Variants in EIF4G3 observed in about 807,000 individuals in gnomAD.
The protein encoded by EIF4G3 is eIF-4-gamma 3.
A neutral mutation model predicts 186.4 loss-of-function variants in EIF4G3; 34 were observed. That is an observed-to-expected ratio of 0.18 (90% CI 0.14 to 0.24). EIF4G3 has a LOEUF of 0.24. EIF4G3 is among the 10% of genes least tolerant of loss of function. The probability of loss-of-function intolerance (pLI) is 1.00; values close to 1 mark genes in which losing one functional copy is unlikely to be tolerated. For synonymous variants in EIF4G3, 673 were observed against 679.5 expected (o/e 0.99, Z 0.15); for missense variants, 1,536 against 1,948.5 (o/e 0.79, Z 3.99).
intron 2 of EIF4G3, among the ~76,000 whole-genome samples, chr1:21,141,356 T>C (rs1258802156): frequency 7.0e-6 from 1 of 143,822 alleles, no homozygotes; most frequent in Non-Finnish European, 1.5e-5. Context: ...ACCATTTCTA[T>C]TTGAGAAAAA....
chr1:20,853,603 G>C lies in EIF4G3; in HGVS notation c.3508C>G (p.Pro1170Ala). 1 of 1,614,016 alleles carries C rather than the reference G, an allele frequency of 6.2e-7. No individual in the cohort carries two copies. The highest frequency in any genetic ancestry group is 8.5e-7 in the Non-Finnish European group (1 of 1,179,938). The change falls in exon 27 of 37, where the codon CCA (proline) becomes GCA (alanine). Residue 1170 changes from proline (P) to alanine (A), a missense_variant. Coordinates refer to ENST00000602326, the MANE Select transcript of EIF4G3 (RefSeq NM_001391906.1). ...LQPPAPSGST[P>A]STPVEFDSRR... ...GAATCAAACTCTACAGGCGTGGATG[G>C]CGTGGACCCTGAGGGTGCTGGAGGT... is the stretch of plus-strand genomic sequence containing the variant.
intron 4 of EIF4G3, among the ~76,000 whole-genome samples, chr1:21,032,953 C>T (rs1205269479): frequency 1.3e-5 from 2 of 152,180 alleles, no homozygotes; most frequent in Non-Finnish European, 2.9e-5. Context: ...AATACAATGA[C>T]GGACTGCTTC....
intron 19 of EIF4G3, among the ~76,000 whole-genome samples, chr1:20,885,906 T>C (rs2083973968): frequency 6.6e-6 from 1 of 152,192 alleles, no homozygotes; most frequent in Non-Finnish European, 1.5e-5. Flanking sequence ...ACTGAGAATC[T>C]AAAAATGTAT....
At chr1:21,125,630 A>C (rs2097018561) in intron 2 of EIF4G3, among the ~76,000 whole-genome samples, 1 of 151,854 alleles carries the variant, frequency 6.6e-6, no homozygotes, top group Admixed American at 6.6e-5. Context: ...AAGACAGGAG[A>C]ATCGCTTGAG....
chr1:20,857,312 G>C, intron 25 of EIF4G3, 91 bp downstream of exon 25: 2 of 1,054,352 alleles, frequency 1.9e-6, no homozygotes, highest in Middle Eastern at 2.1e-4. Flanking sequence ...GACACGTTTT[G>C]CAACTATTGT....
intron 2 of EIF4G3, among the ~76,000 whole-genome samples, chr1:21,111,145 A>T (rs1333901741): frequency 6.6e-6 from 1 of 152,222 alleles, no homozygotes; most frequent in Non-Finnish European, 1.5e-5. Context: ...CTATAAACTT[A>T]ATCTGTCACT....
intron 2 of EIF4G3, among the ~76,000 whole-genome samples, chr1:21,107,419 G>A (rs541730915): frequency 4.7e-4 from 72 of 152,024 alleles, no homozygotes; most frequent in African/African-American, 1.4e-3. Flanking sequence ...TGATCTGCCC[G>A]CCTCAGCTTC....
chr1:20,817,290 A>AAAAATAATAAT, intron 34 of EIF4G3, 102 bp downstream of exon 34: 1 of 303,370 alleles, frequency 3.3e-6, no homozygotes. Flanking sequence ...AAAAAAATAA[A>AAAAATAATAAT]AATAAAAATT....
At chr1:20,944,979 T>G (rs1463294149) in intron 13 of EIF4G3, among the ~76,000 whole-genome samples, 1 of 152,122 alleles carries the variant, frequency 6.6e-6, no homozygotes, top group African/African-American at 2.4e-5. Flanking sequence ...TACTTCAGCC[T>G]GGGTGATACA....
At chr1:20,983,445 A>G (rs1254370032) in intron 7 of EIF4G3, among the ~76,000 whole-genome samples, 1 of 152,234 alleles carries the variant, frequency 6.6e-6, no homozygotes, top group East Asian at 1.9e-4. Flanking sequence ...AGGAACAATA[A>G]AGCAGTAAAC....
chr1:21,022,731 C>T (rs528647291), intron 4 of EIF4G3, among the ~76,000 whole-genome samples: 2 of 152,252 alleles, frequency 1.3e-5, no homozygotes, highest in Admixed American at 1.3e-4. Context: ...GGTTGGCATG[C>T]GTCATCACAA....
chr1:21,176,778 G>C lies in EIF4G3; in HGVS notation c.-512C>G, dbSNP rs1558327024. 4.3e-6 allele frequency: 3 copies of C among 700,408 alleles called. No individual in the cohort carries two copies. The highest frequency in any genetic ancestry group is 7.8e-6 in the Non-Finnish European group (3 of 383,802). The allele number at this position is 700,408 out of a possible 1,614,324, so 43.4% of individuals were successfully genotyped here. On this transcript the variant is annotated 5_prime_UTR_variant, in exon 1 of 37. Coordinates refer to ENST00000602326, the MANE Select transcript of EIF4G3 (RefSeq NM_001391906.1). ...CGGGGGATCTTTATCCCCCTCCCCG[G>C]AGGAAGCGGCGCCCTTCTCGGTAGC...
At chr1:20,875,425 A>G (rs1027630206) in intron 20 of EIF4G3, among the ~76,000 whole-genome samples, 3 of 152,210 alleles carry the variant, frequency 2.0e-5, no homozygotes, top group Admixed American at 6.5e-5. Flanking sequence ...GCTGGTTCAT[A>G]TTGGTTTATG....
chr1:21,145,944 A>G (rs2097432999), intron 2 of EIF4G3, among the ~76,000 whole-genome samples: 2 of 152,094 alleles, frequency 1.3e-5, no homozygotes, highest in Non-Finnish European at 2.9e-5. Flanking sequence ...TTTTTTTTTA[A>G]TTAGCTGATT....
At chr1:20,943,965 T>TG in intron 13 of EIF4G3, among the ~76,000 whole-genome samples, 1 of 24,138 alleles carries the variant, frequency 4.1e-5, no homozygotes, top group East Asian at 9.3e-4. Flanking sequence ...AAACTTGTCT[T>TG]TATTTTTTTT....
At chr1:20,943,525 A>C (rs1261789990) in intron 13 of EIF4G3, among the ~76,000 whole-genome samples, 2 of 152,250 alleles carry the variant, frequency 1.3e-5, no homozygotes, top group Non-Finnish European at 2.9e-5. Flanking sequence ...ACTGGCTTCC[A>C]GCCTTGTGCT....
intron 2 of EIF4G3, among the ~76,000 whole-genome samples, chr1:21,144,755 CA>C (rs11307891): frequency 0.33 from 50,698 of 151,886 alleles, 9,198 homozygotes; most frequent in Non-Finnish European, 0.41. Flanking sequence ...TCCCATCTTT[CA>C]AAAAGCCCAC....
chr1:20,992,225 C>G (rs937800934), intron 7 of EIF4G3, among the ~76,000 whole-genome samples: 1 of 152,170 alleles, frequency 6.6e-6, no homozygotes, highest in African/African-American at 2.4e-5. Context: ...GTCATAAGGT[C>G]GTATAGATGC....
intron 3 of EIF4G3, among the ~76,000 whole-genome samples, chr1:21,063,705 TGG>T (rs59671548): frequency 1.8e-3 from 83 of 45,502 alleles, no homozygotes; most frequent in South Asian, 0.01. Flanking sequence ...CTTTTCATTT[TGG>T]GGGGGGGGGT....
Sources: allele counts gnomAD v4.1 joint callset (sites outside exome capture counted in the v4.1 genomes callset), GRCh38; gene constraint gnomAD v4.1.1; transcripts MANE v1.5; gene names NCBI Gene and HGNC (gene_info 2026-07-23, HGNC 2026-07-21).